Variants in ROBO2 observed in about 807,000 individuals in gnomAD.
ROBO2 encodes roundabout homolog 2.
ROBO2 carries 53 observed loss-of-function variants against 160.8 expected under a neutral mutation model. The observed-to-expected ratio is 0.33, with a 90% CI of 0.26 to 0.41. The LOEUF is 0.41. ROBO2 is among the 10% of genes least tolerant of loss of function. The pLI, the probability that ROBO2 is intolerant of heterozygous loss-of-function variation, is 1.00. For missense variants in ROBO2, 1,577 were observed against 1,722.4 expected (o/e 0.92, Z 1.49); for synonymous variants, 664 against 611.7 (o/e 1.09, Z -1.26).
chr3:77,041,705 T>C (rs1057277678), intron 1 of ROBO2, among the ~76,000 whole-genome samples: 2 of 152,188 alleles, frequency 1.3e-5, no homozygotes, highest in African/African-American at 4.8e-5. Flanking sequence ...TTGGTTTGTA[T>C]TCAAAAGAAA....
intron 2 of ROBO2, among the ~76,000 whole-genome samples, chr3:77,126,713 T>TATATATATATATATATATATATA (rs564861880): frequency 3.6e-5 from 5 of 138,806 alleles, no homozygotes; most frequent in African/African-American, 1.3e-4. Context: ...TATATATATA[T>TATATATATATATATATATATATA]TTTTTTTCCT....
chr3:76,224,995 T>G (rs572379523), intron 2 of ROBO2, among the ~76,000 whole-genome samples: 1 of 152,330 alleles, frequency 6.6e-6, no homozygotes, highest in East Asian at 1.9e-4. Context: ...GACTCCATTC[T>G]ATTTTGTAAA....
At chr3:77,048,816 G>A (rs1192908869) in intron 1 of ROBO2, among the ~76,000 whole-genome samples, 1 of 152,120 alleles carries the variant, frequency 6.6e-6, no homozygotes, top group African/African-American at 2.4e-5. Context: ...CATTACTATT[G>A]TGGAAGTGAC....
intron 2 of ROBO2, among the ~76,000 whole-genome samples, chr3:77,215,219 A>G (rs1052975331): frequency 2.6e-5 from 4 of 152,184 alleles, no homozygotes; most frequent in African/African-American, 9.7e-5. Context: ...AGGTACACCA[A>G]TTAAACATAG....
At chr3:77,514,940 G>T (rs2089841073) in intron 5 of ROBO2, among the ~76,000 whole-genome samples, 1 of 151,666 alleles carries the variant, frequency 6.6e-6, no homozygotes, top group South Asian at 2.1e-4. Flanking sequence ...ACTGGTAGTA[G>T]ATAGTCACAA....
At chr3:75,951,683 A>G (rs1269834449) in intron 2 of ROBO2, among the ~76,000 whole-genome samples, 2 of 152,018 alleles carry the variant, frequency 1.3e-5, no homozygotes, top group East Asian at 3.9e-4. Context: ...TCCATTTCTG[A>G]TATCAGAAAT....
intron 1 of ROBO2, among the ~76,000 whole-genome samples, chr3:77,056,890 A>G (rs1158963900): frequency 6.6e-6 from 1 of 152,176 alleles, no homozygotes; most frequent in Non-Finnish European, 1.5e-5. Context: ...GCACACGTAC[A>G]TACATATAAT....
At chr3:77,294,945 AAAC>A (rs1455675250) in intron 2 of ROBO2, among the ~76,000 whole-genome samples, 1 of 152,012 alleles carries the variant, frequency 6.6e-6, no homozygotes, top group African/African-American at 2.4e-5. Flanking sequence ...ATTGATGGTT[AAAC>A]GAGTAAGCTG....
intron 16 of ROBO2, among the ~76,000 whole-genome samples, chr3:77,585,100 C>G (rs2094012249): frequency 6.6e-6 from 1 of 150,952 alleles, no homozygotes; most frequent in South Asian, 2.1e-4. Context: ...CTAAGATTGT[C>G]AAGTAACTGT....
intron 2 of ROBO2, among the ~76,000 whole-genome samples, chr3:77,101,764 G>C (rs569272324): frequency 1.3e-5 from 2 of 152,182 alleles, no homozygotes; most frequent in East Asian, 1.9e-4. Context: ...TTGGGGCCAG[G>C]TGTGTTGGTT....
intron 2 of ROBO2, among the ~76,000 whole-genome samples, chr3:77,017,866 G>A (rs1429340431): frequency 1.3e-5 from 2 of 151,996 alleles, no homozygotes; most frequent in East Asian, 1.9e-4. Context: ...TTATGCCTGA[G>A]GTGGTAATTT....
At chr3:77,024,504 T>C (rs1457510873) in intron 2 of ROBO2, among the ~76,000 whole-genome samples, 2 of 152,124 alleles carry the variant, frequency 1.3e-5, no homozygotes, top group Admixed American at 6.5e-5. Flanking sequence ...CATAAGCATA[T>C]ACAATGCTAT....
intron 2 of ROBO2, among the ~76,000 whole-genome samples, chr3:76,340,147 T>C (rs1406546274): frequency 6.6e-6 from 1 of 151,104 alleles, no homozygotes; most frequent in African/African-American, 2.4e-5. Flanking sequence ...AATAAGAAGC[T>C]AGTTAATTGC....
In ROBO2 at chr3:76,911,237, G is replaced by T. The variant is rs944116307; in HGVS notation, c.110-186777G>T. Among the ~76,000 whole-genome samples the T allele has an allele frequency of 2.0e-5, 3 of 152,202 alleles. No individual in the cohort carries two copies. The East Asian group carries it at 5.8e-4, about 29-fold the overall frequency. On this transcript the variant is annotated intron_variant, in intron 2 of 26. Coordinates refer to the ROBO2 transcript ENST00000487694. ...ACTGTCAATAAGTAGTATTGTATTT[G>T]TTGCTAAGCACAAGTCTTATTGATC...
chr3:76,146,492 C>T (rs940936705), intron 2 of ROBO2, among the ~76,000 whole-genome samples: 2 of 151,876 alleles, frequency 1.3e-5, no homozygotes, highest in African/African-American at 4.8e-5. Flanking sequence ...TCAAATCTCT[C>T]TGACCTCTTT....
intron 2 of ROBO2, among the ~76,000 whole-genome samples, chr3:76,446,785 T>C (rs1410180312): frequency 6.6e-6 from 1 of 152,084 alleles, no homozygotes; most frequent in Non-Finnish European, 1.5e-5. Flanking sequence ...AAACAAGCAA[T>C]GGGGAAAGGA....
At chr3:77,479,439 G>A (rs2084417971) in intron 3 of ROBO2, among the ~76,000 whole-genome samples, 1 of 152,112 alleles carries the variant, frequency 6.6e-6, no homozygotes, top group Admixed American at 6.6e-5. Context: ...TGTTCTTGGG[G>A]CAAGTGGAGG....
intron 2 of ROBO2, among the ~76,000 whole-genome samples, chr3:76,115,035 C>T (rs2070399997): frequency 6.6e-6 from 1 of 152,044 alleles, no homozygotes; most frequent in Non-Finnish European, 1.5e-5. Context: ...GGATTTTAAA[C>T]AACTTTAAAC....
intron 2 of ROBO2, among the ~76,000 whole-genome samples, chr3:75,945,197 G>A (rs1394567022): frequency 3.3e-5 from 5 of 152,168 alleles, no homozygotes; most frequent in Non-Finnish European, 7.3e-5. Context: ...ACAGATAACA[G>A]ACAATGAGCC....
Sources: gnomAD v4.1 joint callset for allele counts (sites outside exome capture counted in the v4.1 genomes callset) on GRCh38, gnomAD v4.1.1 for gene constraint, MANE v1.5 for transcripts, NCBI Gene and HGNC (gene_info 2026-07-23, HGNC 2026-07-21) for gene names.